The following VWC2L variants were observed in gnomAD, a reference collection of about 807,000 sequenced individuals.
VWC2L encodes von Willebrand factor C domain containing 2 like, also known as von Willebrand factor C domain-containing protein 2-like.
VWC2L carries 10 observed loss-of-function variants against 21.6 expected under a neutral mutation model. The observed-to-expected ratio is 0.46, with a 90% CI of 0.29 to 0.78. The LOEUF (loss-of-function observed/expected upper bound fraction) is 0.78, where lower values mean the gene tolerates loss of function less well. VWC2L is among the 30% of genes least tolerant of loss of function. VWC2L has a pLI of 0.10. For synonymous variants in VWC2L, 96 were observed against 94.3 expected (o/e 1.02, Z -0.10); for missense variants, 209 against 277.1 (o/e 0.75, Z 1.74).
intron 2 of VWC2L, among the ~76,000 whole-genome samples, chr2:214,421,012 A>G (rs995497252): frequency 6.6e-6 from 1 of 152,228 alleles, no homozygotes; most frequent in African/African-American, 2.4e-5. Context: ...GATATTCTCA[A>G]TGGGGGATTC....
In VWC2L at chr2:214,436,635, C is replaced by A; in HGVS notation, c.397C>A (p.Pro133Thr). ...ATTTTAGATTTGTTCCTAGCCCTCT[C>A]CATGTGAATGGTGTCGCTGTGAGCC... The part of the protein sequence containing the change: ...YKILEEFKPS[P>T]CEWCRCEPSN... The change falls in exon 3 of 4, where the codon CCA becomes ACA. Residue 133 changes from proline to threonine, a missense_variant. Transcript: ENST00000312504. 1 of 1,613,174 alleles carries A rather than the reference C, an allele frequency of 6.2e-7. No individual in the cohort carries two copies. The highest frequency in any genetic ancestry group is 8.5e-7 in the Non-Finnish European group (1 of 1,179,328).
At chr2:214,532,937 T>TGTGCTAGAGAGAGGA (rs1374878803) in intron 3 of VWC2L, among the ~76,000 whole-genome samples, 1 of 152,046 alleles carries the variant, frequency 6.6e-6, no homozygotes, top group African/African-American at 2.4e-5. Flanking sequence ...GAGGGGACCC[T>TGTGCTAGAGAGAGGA]GACAGGCTGA....
chr2:214,469,249 G>A (rs73072793), intron 3 of VWC2L, among the ~76,000 whole-genome samples: 10,938 of 152,138 alleles, frequency 0.072, 1,265 homozygotes, highest in African/African-American at 0.24. Context: ...AATTAATGAC[G>A]ATCTTATATA....
At chr2:214,528,102 A>T (rs1320404493) in intron 3 of VWC2L, among the ~76,000 whole-genome samples, 1 of 152,240 alleles carries the variant, frequency 6.6e-6, no homozygotes, top group Non-Finnish European at 1.5e-5. Context: ...AAAGTTCTAT[A>T]ACACTTTGTA....
At chr2:214,551,519 G>A (rs914974196) in intron 3 of VWC2L, among the ~76,000 whole-genome samples, 3 of 152,142 alleles carry the variant, frequency 2.0e-5, no homozygotes, top group Non-Finnish European at 4.4e-5. Flanking sequence ...AGAAATAATC[G>A]CTCTTTTTGG....
intron 3 of VWC2L, among the ~76,000 whole-genome samples, chr2:214,452,154 T>G (rs901954432): frequency 1.3e-5 from 2 of 152,116 alleles, no homozygotes; most frequent in African/African-American, 2.4e-5. Flanking sequence ...TTTTGGCTTT[T>G]TGTGTGTGTG....
intron 3 of VWC2L, among the ~76,000 whole-genome samples, chr2:214,492,802 C>T (rs74575925): frequency 0.015 from 2,234 of 152,176 alleles, 63 homozygotes; most frequent in African/African-American, 0.05. Flanking sequence ...AACAAACAAA[C>T]CCCACATGTC....
intron 3 of VWC2L, among the ~76,000 whole-genome samples, chr2:214,528,725 A>G (rs1689382993): frequency 1.3e-5 from 2 of 152,180 alleles, no homozygotes; most frequent in East Asian, 3.8e-4. Context: ...ACAACAAAAC[A>G]TATCAAAGTA....
In VWC2L at chr2:214,475,745, CAA is replaced by C. The variant is rs61274953; in HGVS notation, c.520+38999_520+39000del. ...ATCTCCCTATTTTTAAATGTTGGCT[CAA>C]AAAAAAAAAAATGTAAAACATGTCA... On this transcript the variant is annotated intron_variant, in intron 3 of 3. Coordinates refer to ENST00000312504, the MANE Select transcript of VWC2L (RefSeq NM_001080500.4). Among the ~76,000 whole-genome samples, 518 of 142,858 alleles carry C rather than the reference CAA, an allele frequency of 3.6e-3. 5 individuals are homozygous for C. The highest frequency in any genetic ancestry group is 0.012 in the African/African-American group (486 of 39,740). 93.7% of individuals were successfully genotyped at this position (142,858 alleles called of 152,430 possible). A position where few individuals can be genotyped will look rare whatever the true frequency, so the allele number is the denominator to read the frequency against.
intron 3 of VWC2L, among the ~76,000 whole-genome samples, chr2:214,564,290 A>G (rs1316930628): frequency 6.6e-6 from 1 of 152,218 alleles, no homozygotes; most frequent in African/African-American, 2.4e-5. Context: ...ACAACCATTA[A>G]CATGCTTCAC....
chr2:214,440,944 G>A (rs1702756223), intron 3 of VWC2L, among the ~76,000 whole-genome samples: 1 of 152,104 alleles, frequency 6.6e-6, no homozygotes, highest in African/African-American at 2.4e-5. Context: ...CATTATTCAA[G>A]GCTCAGAAGG....
At chr2:214,573,046 C>A (rs112495581) in intron 3 of VWC2L, among the ~76,000 whole-genome samples, 1 of 152,056 alleles carries the variant, frequency 6.6e-6, no homozygotes, top group Non-Finnish European at 1.5e-5. Context: ...ACACACTGAC[C>A]GTAGTACGAT....
At chr2:214,554,885 G>A (rs1048353278) in intron 3 of VWC2L, among the ~76,000 whole-genome samples, 1 of 152,054 alleles carries the variant, frequency 6.6e-6, no homozygotes, top group African/African-American at 2.4e-5. Context: ...CTTCGAAATG[G>A]CCCTGCAAAA....
In VWC2L at chr2:214,414,367, C is replaced by T. The variant is rs1238239404; in HGVS notation, c.174C>T (p.Gly58=). The stretch of plus-strand genomic sequence containing the variant: ...GGAAAGGGTGTGTCGATGACAGCGG[C>T]TTTGTATACAAGTTGGGAGAACGAT... ...YRGKGCVDDS[G]FVYKLGERFF... is the part of the protein sequence containing the mutation. Residue 58 remains glycine, a synonymous_variant, in exon 2 of 4, where the codon GGC becomes GGT. Coordinates refer to ENST00000312504, the MANE Select transcript of VWC2L (RefSeq NM_001080500.4). 5.0e-6 allele frequency: 8 copies of T among 1,613,494 alleles called. No individual in the cohort carries two copies. Among genetic ancestry groups the T allele is most frequent in the Non-Finnish European group, 6.8e-6 (8 of 1,179,748 alleles).
chr2:214,545,920 A>G (rs1689699016), intron 3 of VWC2L, among the ~76,000 whole-genome samples: 1 of 152,200 alleles, frequency 6.6e-6, no homozygotes, highest in African/African-American at 2.4e-5. Flanking sequence ...TACATCTAGC[A>G]CATACATACT....
chr2:214,577,417 C>T lies in VWC2L; in HGVS notation c.*1597C>T, dbSNP rs1328222787. ...TGGCCTCTATCCACTAGCAACATCC[C>T]AGCAACTGGTGACAACCAAATTTCT... On this transcript the variant is annotated 3_prime_UTR_variant, in exon 4 of 4. Transcript: ENST00000312504. 1.3e-5 allele frequency: 2 copies of T among 152,224 alleles called. No individual in the cohort carries two copies. The highest frequency in any genetic ancestry group is 6.5e-5 in the Admixed American group (1 of 15,274). The allele number at this position is 152,224 out of a possible 1,614,324, so 9.4% of individuals were successfully genotyped here.
At position 214,537,427 on chromosome 2, in the gene VWC2L, G is replaced by GA. The variant is rs373006868; in HGVS notation, c.521-38235dup. Among the ~76,000 whole-genome samples the GA allele has an allele frequency of 1.3e-4, 18 of 143,850 alleles. 1 individual carries two copies. Among genetic ancestry groups the GA allele is most frequent in the East Asian group, 1.0e-3 (5 of 4,956 alleles). 94.4% of individuals were successfully genotyped at this position (143,850 alleles called of 152,430 possible). A position where few individuals can be genotyped will look rare whatever the true frequency, so the allele number is the denominator to read the frequency against. Reference sequence around the variant, plus strand: ...TAAAATCAGTCAGACACAAAAAGACGAAAAAAAAAAGGCATGTTCTCTTTT... The same window carrying GA: ...TAAAATCAGTCAGACACAAAAAGACGAAAAAAAAAAAGGCATGTTCTCTTTT... On this transcript the variant is annotated intron_variant, in intron 3 of 3. Transcript: ENST00000312504.
At chr2:214,427,047 C>T (rs1219880024) in intron 2 of VWC2L, among the ~76,000 whole-genome samples, 1 of 152,062 alleles carries the variant, frequency 6.6e-6, no homozygotes, top group Non-Finnish European at 1.5e-5. Flanking sequence ...TTATTTTTGC[C>T]AATTTAGAGA....
At chr2:214,570,990 T>C (rs1690141562) in intron 3 of VWC2L, among the ~76,000 whole-genome samples, 1 of 152,176 alleles carries the variant, frequency 6.6e-6, no homozygotes, top group Non-Finnish European at 1.5e-5. Context: ...CCAAGCATCT[T>C]CTCCAAGAGA....
Sources: gnomAD v4.1 joint callset for allele counts (sites outside exome capture counted in the v4.1 genomes callset) on GRCh38, gnomAD v4.1.1 for gene constraint, MANE v1.5 for transcripts, NCBI Gene and HGNC (gene_info 2026-07-23, HGNC 2026-07-21) for gene names.